Variants in ST18 observed in about 807,000 individuals in gnomAD.
ST18 encodes the protein suppression of tumorigenicity 18 protein.
A neutral mutation model predicts 110.0 loss-of-function variants in ST18; 50 were observed. The observed-to-expected ratio is 0.45, with a 90% CI of 0.36 to 0.58. The LOEUF (loss-of-function observed/expected upper bound fraction) is 0.58. Ranked by LOEUF, ST18 falls within the 20% of genes least tolerant of loss-of-function variation. The probability of loss-of-function intolerance (pLI) is 0.00; values close to 1 mark genes in which losing one functional copy is unlikely to be tolerated. For synonymous variants in ST18, 461 were observed against 452.4 expected, an observed-to-expected ratio of 1.02 and a Z score of -0.24; for missense variants, 1,306 against 1,280.1, an observed-to-expected ratio of 1.02 and a Z score of -0.31.
chr8:52,193,302 T>C (rs1436651255), intron 8 of ST18, among the ~76,000 whole-genome samples: 3 of 152,182 alleles, frequency 2.0e-5, no homozygotes, highest in Non-Finnish European at 4.4e-5. Flanking sequence ...AGGACTAAGG[T>C]ACACATCTTC....
chr8:52,180,948 G>T (rs1313707478), intron 8 of ST18, among the ~76,000 whole-genome samples: 9 of 152,194 alleles, frequency 5.9e-5, no homozygotes, highest in Admixed American at 5.2e-4. Flanking sequence ...AAAAGGAGGA[G>T]AAATAAGATT....
intron 2 of ST18, among the ~76,000 whole-genome samples, chr8:52,324,862 C>G (rs1805576708): frequency 6.6e-6 from 1 of 152,096 alleles, no homozygotes; most frequent in South Asian, 2.1e-4. Flanking sequence ...ATAATAAAAT[C>G]AATATGTGAC....
intron 22 of ST18, among the ~76,000 whole-genome samples, chr8:52,131,417 T>C (rs1162823719): frequency 6.6e-6 from 1 of 152,162 alleles, no homozygotes; most frequent in Non-Finnish European, 1.5e-5. Flanking sequence ...ATTCAGTCAC[T>C]GGGAAGCTAT....
chr8:52,238,494 A>G (rs1304533838), intron 2 of ST18, among the ~76,000 whole-genome samples: 5 of 152,184 alleles, frequency 3.3e-5, no homozygotes, highest in Non-Finnish European at 5.9e-5. Context: ...ACTGGTATCT[A>G]CCCAAAGGAA....
At chr8:52,251,822 G>C (rs543156764) in intron 2 of ST18, among the ~76,000 whole-genome samples, 1 of 152,104 alleles carries the variant, frequency 6.6e-6, no homozygotes, top group East Asian at 1.9e-4. Flanking sequence ...CATTTCCTAG[G>C]ATTAGCCGTC....
chr8:52,343,634 A>C (rs1419965348), intron 2 of ST18, among the ~76,000 whole-genome samples: 1 of 152,210 alleles, frequency 6.6e-6, no homozygotes, highest in African/African-American at 2.4e-5. Flanking sequence ...AGTCACTTGT[A>C]AGTGAATTAA....
chr8:52,325,815 A>G (rs1806070619), intron 2 of ST18, among the ~76,000 whole-genome samples: 1 of 152,210 alleles, frequency 6.6e-6, no homozygotes, highest in African/African-American at 2.4e-5. Flanking sequence ...GAGGATCTAA[A>G]GAAAAAAGAT....
intron 2 of ST18, among the ~76,000 whole-genome samples, chr8:52,298,819 G>C (rs540372983): frequency 6.6e-6 from 1 of 152,216 alleles, no homozygotes; most frequent in Admixed American, 6.5e-5. Context: ...TTGAAATACT[G>C]TTTTGCTGGG....
chr8:52,376,783 A>G (rs572994138), intron 2 of ST18, among the ~76,000 whole-genome samples: 4 of 152,294 alleles, frequency 2.6e-5, no homozygotes, highest in African/African-American at 7.2e-5. Context: ...TGGAAGCCCC[A>G]TCACTGATCT....
chr8:52,238,024 A>T (rs1011060070), intron 2 of ST18, among the ~76,000 whole-genome samples: 1 of 152,232 alleles, frequency 6.6e-6, no homozygotes, highest in East Asian at 1.9e-4. Flanking sequence ...TGCCACTGTG[A>T]ACCCATTAAG....
Position 52,149,811 on chromosome 8 carries a change from T to G in ST18, c.1973A>C (p.Gln658Pro). The G allele has an allele frequency of 6.2e-7, 1 of 1,614,200 alleles. No homozygotes were observed. Among genetic ancestry groups the G allele is most frequent in the East Asian group, 2.2e-5 (1 of 44,882 alleles). The change falls in exon 16 of 26, where the codon CAG (glutamine) becomes CCG (proline). Residue 658 changes from glutamine to proline, a missense_variant. By Grantham distance (76) the Gln-to-Pro change is moderately conservative. Coordinates refer to ENST00000689386, the MANE Select transcript of ST18 (RefSeq NM_001352837.2). ...CCAGCCCTCTTGGTCACAAAGAGCCTGATAGAATGCTGCATTGACCAGAAT... is the reference window on the plus strand; with the variant it reads ...CCAGCCCTCTTGGTCACAAAGAGCCGGATAGAATGCTGCATTGACCAGAAT... Reference protein sequence around the residue: ...SSILVNAAFYQALCDQEGWDT... With the variant: ...SSILVNAAFYPALCDQEGWDT...
At chr8:52,386,416 T>G (rs1416149930) in intron 2 of ST18, among the ~76,000 whole-genome samples, 1 of 151,928 alleles carries the variant, frequency 6.6e-6, no homozygotes, top group African/African-American at 2.4e-5. Context: ...TTCTACTTTC[T>G]AAATGAGTTT....
intron 2 of ST18, among the ~76,000 whole-genome samples, chr8:52,309,540 A>G (rs2095869220): frequency 4.0e-5 from 6 of 151,156 alleles, no homozygotes; most frequent in Admixed American, 3.9e-4. Flanking sequence ...AAAAAAAAAA[A>G]AAAAGAAATC....
intron 22 of ST18, among the ~76,000 whole-genome samples, chr8:52,131,673 A>G (rs1337629768): frequency 2.6e-5 from 4 of 152,218 alleles, no homozygotes; most frequent in African/African-American, 9.6e-5. Context: ...AAATGACTGA[A>G]CCGTTAAGAA....
At chr8:52,189,048 G>A (rs1180957486) in intron 8 of ST18, among the ~76,000 whole-genome samples, 1 of 152,112 alleles carries the variant, frequency 6.6e-6, no homozygotes, top group African/African-American at 2.4e-5. Flanking sequence ...AGAGTGCCCT[G>A]GATCCTCTGA....
At chr8:52,291,767 T>G (rs1156390313) in intron 2 of ST18, among the ~76,000 whole-genome samples, 1 of 151,602 alleles carries the variant, frequency 6.6e-6, no homozygotes, top group Non-Finnish European at 1.5e-5. Flanking sequence ...TTTTTTTTTG[T>G]TTTTTTTGTT....
At chr8:52,341,607 T>C (rs1349301607) in intron 2 of ST18, among the ~76,000 whole-genome samples, 1 of 152,242 alleles carries the variant, frequency 6.6e-6, no homozygotes, top group Admixed American at 6.5e-5. Context: ...AATGTTAGAA[T>C]TTATATCATA....
At chr8:52,135,568 CAAAA>C (rs71252929) in intron 19 of ST18, among the ~76,000 whole-genome samples, 2 of 56,152 alleles carry the variant, frequency 3.6e-5, no homozygotes, top group African/African-American at 5.6e-5. Context: ...AACTCCATCT[CAAAA>C]AAAAAAAAAA....
At position 52,282,431 on chromosome 8, in the gene ST18, G is replaced by A. The variant is rs183947068; in HGVS notation, c.-464-52354C>T. On this transcript the variant is annotated intron_variant, in intron 2 of 25. Transcript: ENST00000689386. ...GCTTAAATAGAAAAATTAAGTGTAT[G>A]CTGATGGGTGGCTGACTACTGTGGG... is the stretch of plus-strand genomic sequence containing the variant. Among the ~76,000 whole-genome samples the A allele has an allele frequency of 3.5e-3, 534 of 152,266 alleles. 1 individual carries two copies. The highest frequency in any genetic ancestry group is 0.011 in the African/African-American group (459 of 41,560).
Sources: allele counts gnomAD v4.1 joint callset (sites outside exome capture counted in the v4.1 genomes callset), GRCh38; gene constraint gnomAD v4.1.1; transcripts MANE v1.5; gene names NCBI Gene and HGNC (gene_info 2026-07-23, HGNC 2026-07-21).